ULK4: variants seen among roughly 807,000 people sequenced by gnomAD.
The protein encoded by ULK4 is unc-51 like kinase 4.
Under a neutral mutation model 160.6 loss-of-function variants are expected in ULK4, and 133 were observed. That is an observed-to-expected ratio of 0.83 (90% CI 0.72 to 0.96). ULK4 has a LOEUF of 0.96. Ranked by LOEUF, ULK4 falls within the 40% of genes least tolerant of loss-of-function variation. ULK4 has a pLI of 0.00. For missense variants in ULK4, 1,580 were observed against 1,499.5 expected (o/e 1.05, Z -0.89); for synonymous variants, 534 against 539.8 (o/e 0.99, Z 0.15).
At position 41,801,927 on chromosome 3, in the gene ULK4, G is replaced by C. The variant is rs76240195; in HGVS notation, c.1849-1634C>G. ...AGAGTAAAAAGGCATATTCCACAGA[G>C]AGGAACAATGATAAGGCTGACAGAT... On this transcript the variant is annotated intron_variant, in intron 19 of 36. Coordinates refer to ENST00000301831, the MANE Select transcript of ULK4 (RefSeq NM_017886.4). 3.1e-3 allele frequency among the ~76,000 whole-genome samples: 468 copies of C among 151,202 alleles called. 2 individuals are homozygous for C. The highest frequency in any genetic ancestry group is 5.5e-3 in the Admixed American group (84 of 15,174).
chr3:41,450,636 T>C (rs1024271381), intron 34 of ULK4, among the ~76,000 whole-genome samples: 3 of 152,234 alleles, frequency 2.0e-5, no homozygotes, highest in African/African-American at 7.2e-5. Flanking sequence ...AAAGTGTGTT[T>C]ATTTTTCCCT....
At chr3:41,523,032 T>G (rs559025086) in intron 32 of ULK4, among the ~76,000 whole-genome samples, 1 of 152,096 alleles carries the variant, frequency 6.6e-6, no homozygotes. Flanking sequence ...CCTCAGCCTC[T>G]TGAGTAGCTG....
intron 22 of ULK4, among the ~76,000 whole-genome samples, chr3:41,743,503 G>T (rs2038310512): frequency 6.6e-6 from 1 of 151,684 alleles, no homozygotes; most frequent in South Asian, 2.1e-4. Flanking sequence ...AGAAGGTTAA[G>T]AATATAAAAA....
At chr3:41,325,096 C>A (rs28458362) in intron 35 of ULK4, among the ~76,000 whole-genome samples, 9,884 of 152,148 alleles carry the variant, frequency 0.065, 773 homozygotes, top group East Asian at 0.18. Flanking sequence ...CACAGTGTAA[C>A]CTACAATTTT....
intron 32 of ULK4, among the ~76,000 whole-genome samples, chr3:41,474,183 TAG>T (rs1266625144): frequency 6.6e-6 from 1 of 152,070 alleles, no homozygotes; most frequent in African/African-American, 2.4e-5. Context: ...TAGAAAAGAA[TAG>T]AGAGCCCAGA....
At chr3:41,528,939 C>A (rs901663952) in intron 32 of ULK4, among the ~76,000 whole-genome samples, 2 of 152,074 alleles carry the variant, frequency 1.3e-5, no homozygotes, top group Non-Finnish European at 2.9e-5. Context: ...CACATGTCTG[C>A]CTATGTAGCG....
intron 27 of ULK4, among the ~76,000 whole-genome samples, chr3:41,693,846 A>G (rs1156313956): frequency 6.6e-6 from 1 of 152,242 alleles, no homozygotes; most frequent in Non-Finnish European, 1.5e-5. Flanking sequence ...GGAGAAAAAG[A>G]AAACCTAAAA....
At chr3:41,658,018 T>G (rs1358069742) in intron 30 of ULK4, among the ~76,000 whole-genome samples, 1 of 151,890 alleles carries the variant, frequency 6.6e-6, no homozygotes, top group East Asian at 1.9e-4. Flanking sequence ...AAGCAAATAA[T>G]AAGACAGAAA....
chr3:41,511,875 A>T (rs1348141026), intron 32 of ULK4, among the ~76,000 whole-genome samples: 2 of 152,034 alleles, frequency 1.3e-5, no homozygotes, highest in African/African-American at 2.4e-5. Flanking sequence ...GAACACAGAT[A>T]AAAAAATCCT....
chr3:41,362,566 C>T (rs2081168127), intron 35 of ULK4, among the ~76,000 whole-genome samples: 1 of 152,174 alleles, frequency 6.6e-6, no homozygotes, highest in Admixed American at 6.5e-5. Context: ...CCTGGCTCCA[C>T]CACTTACTCA....
At chr3:41,297,619 G>A (rs949396090) in intron 35 of ULK4, among the ~76,000 whole-genome samples, 8 of 152,188 alleles carry the variant, frequency 5.3e-5, no homozygotes, top group Non-Finnish European at 7.3e-5. Context: ...TGGGAGTTAG[G>A]AGCCAATCCT....
At chr3:41,378,196 G>A (rs1183960131) in intron 35 of ULK4, among the ~76,000 whole-genome samples, 1 of 143,990 alleles carries the variant, frequency 6.9e-6, no homozygotes, top group Non-Finnish European at 1.5e-5. Context: ...GACACAGGAA[G>A]GGGAACATCA....
intron 35 of ULK4, among the ~76,000 whole-genome samples, chr3:41,370,562 G>A (rs2081343611): frequency 6.6e-6 from 1 of 152,192 alleles, no homozygotes. Context: ...AGGGGTTGGG[G>A]AACTTCCTAC....
intron 17 of ULK4, among the ~76,000 whole-genome samples, chr3:41,864,052 C>G (rs1223721219): frequency 1.3e-5 from 2 of 152,056 alleles, no homozygotes; most frequent in African/African-American, 4.8e-5. Flanking sequence ...GACTGCCTTT[C>G]AAAGGCAGTC....
intron 32 of ULK4, among the ~76,000 whole-genome samples, chr3:41,480,851 AG>A (rs2084300194): frequency 6.6e-6 from 1 of 152,118 alleles, no homozygotes; most frequent in South Asian, 2.1e-4. Flanking sequence ...TGCAGAGTGA[AG>A]GGGGTAAGGC....
At chr3:41,569,516 A>G (rs1438683416) in intron 31 of ULK4, among the ~76,000 whole-genome samples, 1 of 152,166 alleles carries the variant, frequency 6.6e-6, no homozygotes, top group African/African-American at 2.4e-5. Flanking sequence ...AAACTGAAAA[A>G]CAAAACACTT....
chr3:41,626,691 A>AT (rs1159567496), intron 30 of ULK4, among the ~76,000 whole-genome samples: 4 of 151,650 alleles, frequency 2.6e-5, no homozygotes, highest in Non-Finnish European at 5.9e-5. Context: ...TGTCCGGCTA[A>AT]TTTTTTTTGT....
intron 21 of ULK4, among the ~76,000 whole-genome samples, chr3:41,757,124 C>T (rs1405147437): frequency 6.6e-6 from 1 of 151,886 alleles, no homozygotes; most frequent in East Asian, 1.9e-4. Context: ...ATATCAATAA[C>T]TAAGAAAAGA....
intron 35 of ULK4, among the ~76,000 whole-genome samples, chr3:41,267,495 G>A (rs932256456): frequency 2.0e-5 from 3 of 152,110 alleles, no homozygotes; most frequent in African/African-American, 2.4e-5. Context: ...TGTCTCTATA[G>A]TAGAATGACT....
Sources: allele counts gnomAD v4.1 joint callset (sites outside exome capture counted in the v4.1 genomes callset), GRCh38; gene constraint gnomAD v4.1.1; transcripts MANE v1.5; gene names NCBI Gene and HGNC (gene_info 2026-07-23, HGNC 2026-07-21).